SPECC1: variants seen among roughly 807,000 people sequenced by gnomAD.
SPECC1 encodes the protein cytospin-B.
In SPECC1, 62 loss-of-function variants were observed where a neutral mutation model predicts 104.1. That is an observed-to-expected ratio of 0.60 (90% CI 0.49 to 0.74). The LOEUF (loss-of-function observed/expected upper bound fraction) is 0.74, where lower values mean the gene tolerates loss of function less well. SPECC1 is among the 30% of genes least tolerant of loss of function. SPECC1 has a pLI of 0.00. For synonymous variants in SPECC1, 513 were observed against 501.6 expected, an observed-to-expected ratio of 1.02 and a Z score of -0.30; for missense variants, 1,306 against 1,310.5, an observed-to-expected ratio of 1.00 and a Z score of 0.05.
At chr17:20,103,140 C>T (rs531699831) in intron 2 of SPECC1, among the ~76,000 whole-genome samples, 1 of 152,318 alleles carries the variant, frequency 6.6e-6, no homozygotes, top group East Asian at 1.9e-4. Context: ...AGCTTTTTTC[C>T]CAACCCCTGT....
intron 9 of SPECC1, among the ~76,000 whole-genome samples, chr17:20,250,549 A>C (rs2039583587): frequency 3.9e-5 from 6 of 152,222 alleles, no homozygotes; most frequent in African/African-American, 1.4e-4. Flanking sequence ...TAACGTGCTA[A>C]ACTTACATAG....
Position 20,009,752 on chromosome 17 carries a change from G to A in SPECC1, c.-22+328G>A, listed in dbSNP as rs1267892784. Reference sequence around the variant, plus strand: ...CGCAGGGACCCGGGACTGAGAGCCAGGTGGCTCCCGACAGCTGCGGCCCTG... The same window carrying A: ...CGCAGGGACCCGGGACTGAGAGCCAAGTGGCTCCCGACAGCTGCGGCCCTG... On this transcript the variant is annotated intron_variant, in intron 1 of 14. Transcript: ENST00000395527. This position sits in a 1 kb window ranked among gnomAD's most constrained non-coding sequence, Gnocchi z 5.2. 6.6e-6 allele frequency: 1 copy of A among 152,186 alleles called. No homozygotes were observed. The highest frequency in any genetic ancestry group is 1.5e-5 in the Non-Finnish European group (1 of 68,022). 9.4% of individuals were successfully genotyped at this position (152,186 alleles called of 1,614,324 possible). A position where few individuals can be genotyped will look rare whatever the true frequency, so the allele number is the denominator to read the frequency against.
intron 3 of SPECC1, among the ~76,000 whole-genome samples, chr17:20,169,206 C>T (rs2033896717): frequency 6.6e-6 from 1 of 152,160 alleles, no homozygotes; most frequent in African/African-American, 2.4e-5. Flanking sequence ...ACACTATGAA[C>T]AAAATGTATA....
chr17:20,109,162 T>C (rs1257792320), intron 2 of SPECC1, among the ~76,000 whole-genome samples: 4 of 152,208 alleles, frequency 2.6e-5, no homozygotes, highest in Non-Finnish European at 5.9e-5. Flanking sequence ...ATGGAAACTT[T>C]AAAAAATTGT....
intron 3 of SPECC1, among the ~76,000 whole-genome samples, chr17:20,185,932 G>A (rs2035243494): frequency 6.6e-6 from 1 of 152,170 alleles, no homozygotes; most frequent in Admixed American, 6.5e-5. Flanking sequence ...CTGCCTCCCA[G>A]GTTCAAGCTA....
At position 20,283,024 on chromosome 17, in the gene SPECC1, GA is replaced by G. The variant is rs530589726; in HGVS notation, c.2941-13927del. Among the ~76,000 whole-genome samples the G allele has an allele frequency of 2.3e-3, 345 of 149,422 alleles. 2 individuals carry two copies. Among genetic ancestry groups the G allele is most frequent in the South Asian group, 3.0e-3 (14 of 4,734 alleles). ...TGAGACCCCATCTCTAAGAAAAGAT[GA>G]AAAAAAAAATTAGCCAGGCATGGTG... On this transcript the variant is annotated intron_variant, in intron 12 of 14. Transcript: ENST00000395527.
chr17:20,151,620 G>A (rs1166031303), intron 3 of SPECC1, among the ~76,000 whole-genome samples: 4 of 152,126 alleles, frequency 2.6e-5, no homozygotes, highest in African/African-American at 9.7e-5. Context: ...TCACTTCCGC[G>A]TGTTGCTTGA....
chr17:20,151,643 CTT>C (rs1351687339), intron 3 of SPECC1, among the ~76,000 whole-genome samples: 13 of 152,314 alleles, frequency 8.5e-5, no homozygotes, highest in Non-Finnish European at 1.2e-4. Context: ...CCACTGGACT[CTT>C]TGATTCCACA....
At chr17:20,258,694 A>G (rs2039920913) in intron 11 of SPECC1, among the ~76,000 whole-genome samples, 2 of 152,218 alleles carry the variant, frequency 1.3e-5, no homozygotes, top group South Asian at 4.1e-4. Context: ...GCAAGTCTTT[A>G]TGTATAAGGT....
At chr17:20,194,504 T>TATTTTTTTTTTTTTTTTTTTTTTTC (rs1323092323) in intron 3 of SPECC1, among the ~76,000 whole-genome samples, 1 of 107,690 alleles carries the variant, frequency 9.3e-6, no homozygotes, top group Non-Finnish European at 1.8e-5. Flanking sequence ...GAGAACGAAT[T>TATTTTTTTTTTTTTTTTTTTTTTTC]TTTTTTTTTT....
intron 1 of SPECC1, among the ~76,000 whole-genome samples, chr17:20,015,774 C>T (rs1381711956): frequency 4.0e-5 from 6 of 149,738 alleles, no homozygotes; most frequent in African/African-American, 7.3e-5. Flanking sequence ...TTAGTAGCGA[C>T]GGGGTTTCAC....
intron 1 of SPECC1, among the ~76,000 whole-genome samples, chr17:20,042,676 A>G (rs2045380168): frequency 6.6e-6 from 1 of 152,212 alleles, no homozygotes; most frequent in Non-Finnish European, 1.5e-5. Context: ...AATGTGTTCC[A>G]TCTCATTAGA....
chr17:20,304,572 A>T (rs1046042395), intron 13 of SPECC1, among the ~76,000 whole-genome samples: 6 of 152,124 alleles, frequency 3.9e-5, no homozygotes, highest in African/African-American at 1.2e-4. Flanking sequence ...TCAGCCTCAG[A>T]TTCCCTGTCC....
chr17:20,127,131 G>C (rs959597070), intron 3 of SPECC1, among the ~76,000 whole-genome samples: 7 of 152,122 alleles, frequency 4.6e-5, no homozygotes, highest in African/African-American at 1.7e-4. Context: ...TCTGATTTCT[G>C]TGCTTTCAAA....
chr17:20,154,922 T>C (rs776911375), intron 3 of SPECC1, among the ~76,000 whole-genome samples: 11 of 152,058 alleles, frequency 7.2e-5, no homozygotes, highest in Non-Finnish European at 1.0e-4. Flanking sequence ...CCTGAGTCAC[T>C]GGAAGAACGG....
chr17:20,099,537 A>C (rs1417211185), intron 2 of SPECC1, among the ~76,000 whole-genome samples: 1 of 117,850 alleles, frequency 8.5e-6, no homozygotes, highest in East Asian at 2.1e-4. Context: ...AAAAAAAAAA[A>C]AATTAGCCTT....
chr17:20,059,398 C>T (rs905754088), intron 1 of SPECC1, among the ~76,000 whole-genome samples: 6 of 152,022 alleles, frequency 3.9e-5, no homozygotes, highest in South Asian at 2.1e-4. Flanking sequence ...ACTGATCTGA[C>T]GGGAGGTGAA....
At chr17:20,090,540 T>C (rs1326019926) in intron 1 of SPECC1, among the ~76,000 whole-genome samples, 1 of 151,592 alleles carries the variant, frequency 6.6e-6, no homozygotes, top group Non-Finnish European at 1.5e-5. Flanking sequence ...TTCCCTCCTA[T>C]ACTGTAGTTT....
At chr17:20,203,942 T>C (rs1319075657) in intron 3 of SPECC1, among the ~76,000 whole-genome samples, 1 of 152,232 alleles carries the variant, frequency 6.6e-6, no homozygotes, top group Non-Finnish European at 1.5e-5. Context: ...ATTCCCACCT[T>C]CCTCTTGAAA....
Sources: allele counts gnomAD v4.1 joint callset (sites outside exome capture counted in the v4.1 genomes callset), GRCh38; gene constraint gnomAD v4.1.1; non-coding constraint Gnocchi (gnomAD v3.1); transcripts MANE v1.5; gene names NCBI Gene and HGNC (gene_info 2026-07-23, HGNC 2026-07-21).